CSMD1: variants seen among roughly 807,000 people sequenced by gnomAD.
CSMD1 encodes CUB and sushi domain-containing protein 1.
In CSMD1, 213 loss-of-function variants were observed where a neutral mutation model predicts 417.5. The ratio of observed to expected loss-of-function variants is 0.51; its 90% CI spans 0.46 to 0.57. The LOEUF is 0.57. CSMD1 is among the 20% of genes least tolerant of loss of function. CSMD1 has a pLI of 0.00. For synonymous variants in CSMD1, 2,862 were observed against 1,736.8 expected (o/e 1.65, Z -16.11); for missense variants, 6,923 against 4,529.7 (o/e 1.53, Z -15.17).
chr8:3,695,179 C>G (rs1800482131), intron 7 of CSMD1, among the ~76,000 whole-genome samples: 1 of 151,052 alleles, frequency 6.6e-6, no homozygotes, highest in Non-Finnish European at 1.5e-5. Flanking sequence ...TTCCAAGGAC[C>G]TCGAAGACAC....
intron 21 of CSMD1, among the ~76,000 whole-genome samples, chr8:3,349,549 G>C (rs539719000): frequency 2.2e-4 from 33 of 151,982 alleles, no homozygotes; most frequent in Non-Finnish European, 1.8e-4. Context: ...GGGTGCAAGT[G>C]TTGAGGCGGA....
intron 1 of CSMD1, among the ~76,000 whole-genome samples, chr8:4,894,698 C>CTGTGTGTGTGTGTGTG (rs1199351387): frequency 6.7e-6 from 1 of 149,906 alleles, no homozygotes; most frequent in South Asian, 2.1e-4. Flanking sequence ...ATCTGAAAGA[C>CTGTGTGTGTGTGTGTG]TGTGTGTGTG....
intron 7 of CSMD1, among the ~76,000 whole-genome samples, chr8:3,669,056 A>T (rs1387895160): frequency 6.6e-6 from 1 of 152,174 alleles, no homozygotes; most frequent in Non-Finnish European, 1.5e-5. Flanking sequence ...CTGTCTTCAA[A>T]ACTAAGGAAC....
chr8:4,358,154 T>C (rs992981288), intron 3 of CSMD1, among the ~76,000 whole-genome samples: 2 of 152,232 alleles, frequency 1.3e-5, no homozygotes, highest in African/African-American at 4.8e-5. Context: ...TTTCCATGCA[T>C]GCAAAATTAT....
In CSMD1 at chr8:4,635,036, G is replaced by A. The variant is rs548759897; in HGVS notation, c.302+2306C>T. Among the ~76,000 whole-genome samples the A allele has an allele frequency of 2.0e-4, 31 of 152,224 alleles. No homozygotes were observed. In the South Asian group the frequency reaches 6.2e-3, roughly 31 times the overall value. On this transcript the variant is annotated intron_variant, in intron 2 of 69. Coordinates refer to ENST00000635120, the MANE Select transcript of CSMD1 (RefSeq NM_033225.6). ...GAAATATAAAATGGAATATCAAGAT[G>A]AAAGCAACATCCTAACTCTAAGGAC...
At position 4,644,591 on chromosome 8, in the gene CSMD1, G is replaced by C. The variant is rs963795405; in HGVS notation, c.86-7033C>G. ...CTGACTAATATTTCTATTTTTAGTA[G>C]AGACAGGGTTGTTCACCGTGTTGCC... On this transcript the variant is annotated intron_variant, in intron 1 of 69. Transcript: ENST00000635120. 2.6e-5 allele frequency among the ~76,000 whole-genome samples: 4 copies of C among 152,268 alleles called. No homozygotes were observed. In the South Asian group the frequency reaches 6.2e-4, roughly 24 times the overall value.
In CSMD1 at chr8:4,870,062, C is replaced by T. The variant is rs190338666; in HGVS notation, c.85+124270G>A. ...TCCTGTGTACCAGAACCGCAGACTT[C>T]AAGACTTTTGTGAATAAAAGTGATA... is the stretch of plus-strand genomic sequence containing the variant. On this transcript the variant is annotated intron_variant, in intron 1 of 69. Coordinates refer to ENST00000635120, the MANE Select transcript of CSMD1 (RefSeq NM_033225.6). 8.1e-4 allele frequency among the ~76,000 whole-genome samples: 123 copies of T among 152,146 alleles called. 1 individual carries two copies. The highest frequency in any genetic ancestry group is 6.8e-3 in the Middle Eastern group (2 of 294).
intron 18 of CSMD1, among the ~76,000 whole-genome samples, chr8:3,384,753 T>C (rs1237937189): frequency 8.0e-6 from 1 of 124,762 alleles, no homozygotes; most frequent in Non-Finnish European, 1.6e-5. Flanking sequence ...TATATATTTA[T>C]ATAAATTATA....
chr8:3,653,937 T>C (rs1797981187), intron 7 of CSMD1, among the ~76,000 whole-genome samples: 1 of 152,212 alleles, frequency 6.6e-6, no homozygotes, highest in South Asian at 2.1e-4. Context: ...AACTGACAAG[T>C]TTCATTTCAC....
intron 5 of CSMD1, among the ~76,000 whole-genome samples, chr8:3,850,518 A>G (rs927198789): frequency 1.3e-5 from 2 of 152,092 alleles, no homozygotes; most frequent in Non-Finnish European, 2.9e-5. Context: ...AACATGGCAA[A>G]ACCCCATCTC....
intron 25 of CSMD1, among the ~76,000 whole-genome samples, chr8:3,297,799 C>T (rs1804082531): frequency 6.6e-6 from 1 of 151,832 alleles, no homozygotes; most frequent in African/African-American, 2.4e-5. Context: ...AAGTTTGTGG[C>T]ATAGCATACA....
chr8:3,976,660 C>G (rs1044624539), intron 5 of CSMD1, among the ~76,000 whole-genome samples: 4 of 152,176 alleles, frequency 2.6e-5, no homozygotes, highest in Non-Finnish European at 1.5e-5. Context: ...TGACTGACAG[C>G]TTTCTTGCGC....
At chr8:4,105,826 T>C (rs1204850514) in intron 3 of CSMD1, among the ~76,000 whole-genome samples, 2 of 152,320 alleles carry the variant, frequency 1.3e-5, no homozygotes, top group East Asian at 1.9e-4. Context: ...TTGTCACCCC[T>C]TTTGCTGAGG....
In CSMD1 at chr8:4,640,062, C is replaced by T. The variant is rs559078814; in HGVS notation, c.86-2504G>A. On this transcript the variant is annotated intron_variant, in intron 1 of 69. Coordinates refer to ENST00000635120, the MANE Select transcript of CSMD1 (RefSeq NM_033225.6). ...AAGAAAAATCAGTTCAACAGAAAAA[C>T]GTCAACTGGAAAGTAGTTACTGTTA... 9.9e-5 allele frequency among the ~76,000 whole-genome samples: 15 copies of T among 152,172 alleles called. No homozygotes were observed. The South Asian group carries it at 2.3e-3, about 23-fold the overall frequency.
At chr8:3,286,242 T>G (rs1803146705) in intron 25 of CSMD1, among the ~76,000 whole-genome samples, 1 of 152,184 alleles carries the variant, frequency 6.6e-6, no homozygotes, top group Admixed American at 6.5e-5. Flanking sequence ...GACATTTGGG[T>G]TGGTTCCAAG....
intron 3 of CSMD1, among the ~76,000 whole-genome samples, chr8:4,369,952 G>C (rs183145791): frequency 6.6e-6 from 1 of 152,018 alleles, no homozygotes; most frequent in South Asian, 2.1e-4. Context: ...TTTACATTCT[G>C]GGTCAATACT....
intron 59 of CSMD1, among the ~76,000 whole-genome samples, chr8:2,963,869 T>G (rs975330080): frequency 6.6e-6 from 1 of 152,282 alleles, no homozygotes; most frequent in Admixed American, 6.5e-5. Context: ...CTGAATATAT[T>G]TTTTTAGAAA....
At chr8:4,839,708 G>C (rs906626670) in intron 1 of CSMD1, among the ~76,000 whole-genome samples, 8 of 152,140 alleles carry the variant, frequency 5.3e-5, no homozygotes, top group Non-Finnish European at 1.2e-4. Flanking sequence ...TCAAAGATAA[G>C]TACAATTTTG....
chr8:4,312,600 G>A (rs1266424703), intron 3 of CSMD1, among the ~76,000 whole-genome samples: 1 of 149,448 alleles, frequency 6.7e-6, no homozygotes, highest in African/African-American at 2.6e-5. Context: ...TTGTTGGCCA[G>A]GCACAGTGTC....
Sources: allele counts gnomAD v4.1 joint callset (sites outside exome capture counted in the v4.1 genomes callset), GRCh38; gene constraint gnomAD v4.1.1; transcripts MANE v1.5; gene names NCBI Gene and HGNC (gene_info 2026-07-23, HGNC 2026-07-21).